Variants in TMEM145 observed in about 807,000 individuals in gnomAD.
TMEM145 encodes transmembrane protein 145.
In TMEM145, 46 loss-of-function variants were observed where a neutral mutation model predicts 68.5. That is an observed-to-expected ratio of 0.67 (90% CI 0.53 to 0.86). The LOEUF (loss-of-function observed/expected upper bound fraction) is 0.86. TMEM145 is among the 40% of genes least tolerant of loss of function. TMEM145 has a pLI of 0.00. For synonymous variants in TMEM145, 255 were observed against 280.2 expected (o/e 0.91, Z 0.90); for missense variants, 570 against 645.8 (o/e 0.88, Z 1.27).
chr19:42,323,056 G>A (rs1300031758), intron 13 of TMEM145, among the ~76,000 whole-genome samples: 5 of 152,140 alleles, frequency 3.3e-5, no homozygotes, highest in Non-Finnish European at 7.4e-5. Flanking sequence ...AAGGTACTAG[G>A]GACTCAGTAG....
chr19:42,323,174 C>G (rs1275244956), intron 13 of TMEM145, among the ~76,000 whole-genome samples: 3 of 152,216 alleles, frequency 2.0e-5, no homozygotes, highest in Non-Finnish European at 4.4e-5. Flanking sequence ...CCTGCACTTT[C>G]CAATATGGGA....
chr19:42,317,366 C>T (rs371992388), intron 11 of TMEM145, among the ~76,000 whole-genome samples: 1 of 152,186 alleles, frequency 6.6e-6, no homozygotes, highest in African/African-American at 2.4e-5. Context: ...GGCTTTCTAT[C>T]GTCTGTATGG....
At chr19:42,324,645 C>A (rs1362728209) in intron 14 of TMEM145, 92 bp from the exon 15 acceptor site, 317 of 1,274,708 alleles carry the variant, frequency 2.5e-4, no homozygotes, top group Non-Finnish European at 3.0e-4. Context: ...CTTCCCACCC[C>A]GCGCGCCCAG....
Position 42,322,349 on chromosome 19 carries a change from C to T in TMEM145, c.1195-1234C>T, listed in dbSNP as rs564701362. 4.6e-5 allele frequency among the ~76,000 whole-genome samples: 7 copies of T among 152,268 alleles called. No individual in the cohort carries two copies. The South Asian group carries it at 1.0e-3, about 23-fold the overall frequency. ...GCGCTACAGTCCCTTTTCCCCACAG[C>T]GAGGCTCAGGGAGTTTAATCAACAT... On this transcript the variant is annotated intron_variant, in intron 13 of 14. Transcript: ENST00000301204.
rs778671457 is a variant in TMEM145 at position 42,315,466 on chromosome 19, G to T, written c.646+26G>T. Reference sequence around the variant, plus strand: ...GTGAGGTTCCGTGTCCCAACTTTTGGGTTCTGAAAGAGAAGGCACTTGGGG... The same window carrying T: ...GTGAGGTTCCGTGTCCCAACTTTTGTGTTCTGAAAGAGAAGGCACTTGGGG... On this transcript the variant is annotated intron_variant, in intron 8 of 14. Coordinates refer to ENST00000301204, the MANE Select transcript of TMEM145 (RefSeq NM_173633.3). 3 of 1,613,642 alleles carry T rather than the reference G, an allele frequency of 1.9e-6. No individual in the cohort carries two copies. The South Asian group carries it at 3.3e-5, about 18-fold the overall frequency.
Position 42,313,433 on chromosome 19 carries a change from G to C in TMEM145, c.57G>C (p.Leu19=), listed in dbSNP as rs2038822492. ...GCCTGCTGCCGCCGCTGCTGCTCCT[G>C]CTGCTGTCACTGCCCCCCCGCGCCC... ...LRRLLPPLLL[L]LLSLPPRARA... is the part of the protein sequence containing the mutation. The change falls in exon 1 of 15, where the codon CTG becomes CTC. Residue 19 remains leucine (L), a synonymous_variant. Transcript: ENST00000301204. The surrounding 1 kb of genome is among the most constrained non-coding windows in gnomAD (Gnocchi z 5.1). The C allele has an allele frequency of 7.2e-7, 1 of 1,380,908 alleles. No homozygotes were observed. The highest frequency in any genetic ancestry group is 1.7e-5 in the South Asian group (1 of 58,648). 85.5% of individuals were successfully genotyped at this position (1,380,908 alleles called of 1,614,324 possible).
chr19:42,313,797 A>G lies in TMEM145; in HGVS notation c.120+301A>G, dbSNP rs114628661. Among the ~76,000 whole-genome samples the G allele has an allele frequency of 0.011, 1,732 of 151,990 alleles. 42 individuals carry two copies. Among genetic ancestry groups the G allele is most frequent in the African/African-American group, 0.04 (1,658 of 41,428 alleles). On this transcript the variant is annotated intron_variant, in intron 1 of 14. Transcript: ENST00000301204. The surrounding 1 kb of genome is among the most constrained non-coding windows in gnomAD (Gnocchi z 5.1). ...GGTGCAGAGGTGGTGCTGAAGGGAC[A>G]GCACTTTTCACTCAGCAGAGAGCCC...
chr19:42,315,479 A>G, intron 8 of TMEM145, 39 bp downstream of exon 8: 1 of 1,610,024 alleles, frequency 6.2e-7, no homozygotes. Flanking sequence ...TCTGAAAGAG[A>G]AGGCACTTGG....
intron 1 of TMEM145, 46 bp from the exon 2 acceptor site, chr19:42,314,226 G>A (rs371231468): frequency 2.5e-6 from 4 of 1,608,716 alleles, no homozygotes; most frequent in Non-Finnish European, 3.4e-6. Flanking sequence ...GGAGTAAAGA[G>A]TTCTTGAAGG....
intron 13 of TMEM145, among the ~76,000 whole-genome samples, chr19:42,322,136 G>A (rs970902820): frequency 6.6e-6 from 1 of 151,950 alleles, no homozygotes; most frequent in Non-Finnish European, 1.5e-5. Flanking sequence ...CGAGGGAGGG[G>A]ACAGGTCCCC....
Position 42,316,688 on chromosome 19 carries a change from C to T in TMEM145, c.754C>T (p.Leu252Phe), listed in dbSNP as rs1260818647. 3.1e-6 allele frequency: 5 copies of T among 1,613,638 alleles called. No individual in the cohort carries two copies. The highest frequency in any genetic ancestry group is 1.1e-5 in the South Asian group (1 of 91,086). The change falls in exon 10 of 15, where the codon CTC becomes TTC. Residue 252 changes from leucine (L) to phenylalanine (F), a missense_variant. By Grantham distance (22) the Leu-to-Phe change is conservative. Coordinates refer to ENST00000301204, the MANE Select transcript of TMEM145 (RefSeq NM_173633.3). The part of the protein sequence containing the change: ...LAKLLFSSSF[L>F]IFLLMLILLG... ...CAAGCTGCTCTTCTCCTCCAGCTTC[C>T]TCATCTTCCTGCTGATGCTTATCCT...
Position 42,320,343 on chromosome 19 carries a change from T to C in TMEM145, c.1100T>C (p.Leu367Pro), listed in dbSNP as rs2038899387. Residue 367 changes from leucine to proline, a missense_variant, in exon 13 of 15, where the codon CTG becomes CCG. Leu to Pro is a moderately conservative substitution (Grantham distance 98, BLOSUM62 -3). Transcript: ENST00000301204. ...TTCTTTGCGGTTCCTGTCATGGCCC[T>C]GATTGCCAATTTCGGCATCCCCAAG... is the stretch of plus-strand genomic sequence containing the variant. The part of the protein sequence containing the change: ...LWFFAVPVMA[L>P]IANFGIPKWA... 1 of 1,614,148 alleles carries C rather than the reference T, an allele frequency of 6.2e-7. No homozygotes were observed. Among genetic ancestry groups the C allele is most frequent in the Non-Finnish European group, 8.5e-7 (1 of 1,180,032 alleles).
intron 8 of TMEM145, 81 bp downstream of exon 8, chr19:42,315,521 G>T: frequency 6.8e-7 from 1 of 1,477,252 alleles, no homozygotes. Flanking sequence ...AGGAATGCCT[G>T]GGGGCCTGGA....
chr19:42,317,644 G>C, intron 11 of TMEM145, 65 bp from the exon 12 acceptor site: 1 of 1,559,748 alleles, frequency 6.4e-7, no homozygotes, highest in Non-Finnish European at 8.8e-7. Context: ...CCCAGGGGTG[G>C]GGTCCGGGGA....
At chr19:42,320,282 G>A (rs1245361451) in intron 12 of TMEM145, 35 bp from the exon 13 acceptor site, 1 of 1,612,008 alleles carries the variant, frequency 6.2e-7, no homozygotes, top group Non-Finnish European at 8.5e-7. Context: ...GAGGACAGGA[G>A]CAGTGTCTCT....
intron 13 of TMEM145, chr19:42,320,930 A>G (rs924409858): frequency 1.5e-5 from 6 of 397,464 alleles, no homozygotes; most frequent in Non-Finnish European, 2.2e-5. Flanking sequence ...CGCCGGGCCC[A>G]TGCCCATTTT....
intron 1 of TMEM145, 137 bp from the exon 2 acceptor site, chr19:42,314,135 A>G: frequency 1.2e-6 from 1 of 833,962 alleles, no homozygotes; most frequent in South Asian, 1.5e-5. Context: ...TCAGGGAAGG[A>G]GTTTGGAGGT....
In TMEM145 at chr19:42,316,913, A is replaced by G. The variant is rs748953108; in HGVS notation, c.850A>G (p.Met284Val). ...GGGCTCCGTGAAGTTGTCTGTCTAC[A>G]TGACCCTGTACACGCTCACCCATGT... ...HAGSVKLSVYMTLYTLTHVVL... is the reference protein window; with the variant it reads ...HAGSVKLSVYVTLYTLTHVVL... The change falls in exon 11 of 15, where the codon ATG becomes GTG. Residue 284 changes from methionine to valine, a missense_variant. Coordinates refer to ENST00000301204, the MANE Select transcript of TMEM145 (RefSeq NM_173633.3). 3 of 1,613,688 alleles carry G rather than the reference A, an allele frequency of 1.9e-6. No homozygotes were observed. Among genetic ancestry groups the G allele is most frequent in the South Asian group, 2.2e-5 (2 of 91,080 alleles).
chr19:42,314,351 G>A lies in TMEM145; in HGVS notation c.195+5G>A. The A allele has an allele frequency of 6.2e-7, 1 of 1,614,094 alleles. No individual in the cohort carries two copies. The highest frequency in any genetic ancestry group is 8.5e-7 in the Non-Finnish European group (1 of 1,180,018). On this transcript the variant is annotated splice_donor_5th_base_variant and intron_variant, in intron 2 of 14. Coordinates refer to ENST00000301204, the MANE Select transcript of TMEM145 (RefSeq NM_173633.3). ...TTCCGTTTCCGCTACCCTGAGGTGA[G>A]TCTCCCCCAACACTCGCCATGCTGA...
Sources: gnomAD v4.1 joint callset for allele counts (sites outside exome capture counted in the v4.1 genomes callset) on GRCh38, gnomAD v4.1.1 for gene constraint, Gnocchi (gnomAD v3.1) non-coding constraint, MANE v1.5 for transcripts, NCBI Gene and HGNC (gene_info 2026-07-23, HGNC 2026-07-21) for gene names.